The following DTNBP1 variants were observed in gnomAD, a reference collection of about 807,000 sequenced individuals.
DTNBP1 encodes dystrobrevin binding protein 1.
A neutral mutation model predicts 42.8 loss-of-function variants in DTNBP1; 35 were observed. That is an observed-to-expected ratio of 0.82 (90% CI 0.63 to 1.09). The LOEUF is 1.09. Ranked by LOEUF, DTNBP1 falls within the 50% of genes least tolerant of loss-of-function variation. The pLI is 0.00. For synonymous variants in DTNBP1, 171 were observed against 162.2 expected (o/e 1.05, Z -0.41); for missense variants, 457 against 424.2 (o/e 1.08, Z -0.68).
chr6:15,649,589 C>T (rs1760869310), intron 3 of DTNBP1, among the ~76,000 whole-genome samples: 1 of 152,066 alleles, frequency 6.6e-6, no homozygotes, highest in African/African-American at 2.4e-5. Flanking sequence ...GGATGCACAA[C>T]CATGTGAACG....
chr6:15,609,219 G>A (rs1481738602), intron 6 of DTNBP1, among the ~76,000 whole-genome samples: 8 of 150,122 alleles, frequency 5.3e-5, no homozygotes, highest in Admixed American at 5.3e-4. Context: ...GCTTCTAAAA[G>A]CTCTCTCTTG....
intron 2 of DTNBP1, 81 bp from the exon 3 acceptor site, chr6:15,651,444 A>T: frequency 1.3e-6 from 2 of 1,548,298 alleles, no homozygotes; most frequent in Non-Finnish European, 1.8e-6. Context: ...AAGAATTTTG[A>T]CATTGTCAAT....
At chr6:15,657,139 G>C (rs1761330870) in intron 1 of DTNBP1, among the ~76,000 whole-genome samples, 1 of 152,142 alleles carries the variant, frequency 6.6e-6, no homozygotes, top group South Asian at 2.1e-4. Flanking sequence ...AGGAAAGAAA[G>C]ATGAATTTAG....
intron 1 of DTNBP1, among the ~76,000 whole-genome samples, chr6:15,657,694 C>T (rs752833873): frequency 3.3e-5 from 5 of 152,216 alleles, no homozygotes; most frequent in Non-Finnish European, 5.9e-5. Context: ...GAGTAAGGAT[C>T]TTACTTGCTA....
At chr6:15,546,063 C>CTTTTTTTTTTTTTTTTTT in intron 7 of DTNBP1, 2 of 310,236 alleles carry the variant, frequency 6.4e-6, no homozygotes, top group African/African-American at 3.3e-5. Context: ...ACCTCCAGTT[C>CTTTTTTTTTTTTTTTTTT]TTTTTTTTTT....
chr6:15,626,407 ATTAC>A (rs1759349097), intron 5 of DTNBP1, among the ~76,000 whole-genome samples: 1 of 152,188 alleles, frequency 6.6e-6, no homozygotes, highest in Admixed American at 6.5e-5. Context: ...TGACTTGCCA[ATTAC>A]TTGCCTTGTA....
intron 1 of DTNBP1, among the ~76,000 whole-genome samples, chr6:15,653,806 C>T (rs936457097): frequency 1.8e-4 from 28 of 152,222 alleles, no homozygotes; most frequent in African/African-American, 6.5e-4. Context: ...CCTACAAAGT[C>T]TTTGTAAAAA....
Position 15,537,108 on chromosome 6 carries a change from A to G in DTNBP1, c.512-3713T>C, listed in dbSNP as rs192705102. Among the ~76,000 whole-genome samples the G allele has an allele frequency of 3.3e-5, 5 of 152,308 alleles. No homozygotes were observed. In the East Asian group the frequency reaches 9.7e-4, roughly 29 times the overall value. On this transcript the variant is annotated intron_variant, in intron 7 of 9. Transcript: ENST00000344537. The stretch of plus-strand genomic sequence containing the variant: ...AGGCTAGACATTTGCCTTGTGTCAC[A>G]TGAGACTTTGGACTTAAGACTTTTG...
intron 7 of DTNBP1, among the ~76,000 whole-genome samples, chr6:15,564,627 C>T (rs1362098885): frequency 1.3e-5 from 2 of 152,094 alleles, no homozygotes; most frequent in Non-Finnish European, 2.9e-5. Context: ...AGGCTGGTAT[C>T]GAACTCCTGA....
At chr6:15,568,200 C>G (rs1462799304) in intron 7 of DTNBP1, among the ~76,000 whole-genome samples, 1 of 152,180 alleles carries the variant, frequency 6.6e-6, no homozygotes, top group Non-Finnish European at 1.5e-5. Context: ...GTTCCTATCC[C>G]TGAAGAAAAG....
At chr6:15,584,705 CTT>C (rs147548247) in intron 7 of DTNBP1, among the ~76,000 whole-genome samples, 13,757 of 85,954 alleles carry the variant, frequency 0.16, 561 homozygotes, top group African/African-American at 0.28. Context: ...ACATGTATTT[CTT>C]TTTTTTTTTT....
At chr6:15,617,353 G>A (rs1230631944) in intron 5 of DTNBP1, among the ~76,000 whole-genome samples, 3 of 151,244 alleles carry the variant, frequency 2.0e-5, no homozygotes, top group Admixed American at 1.3e-4. Flanking sequence ...ATTCCTCACA[G>A]AAATAGAAAA....
At chr6:15,523,283 C>G in intron 9 of DTNBP1, 64 bp from the exon 10 acceptor site, 1 of 1,599,752 alleles carries the variant, frequency 6.3e-7, no homozygotes, top group Non-Finnish European at 8.5e-7. Flanking sequence ...GAATTGCCGC[C>G]AACAGCTGTG....
At chr6:15,563,835 G>A (rs946533547) in intron 7 of DTNBP1, among the ~76,000 whole-genome samples, 1 of 152,130 alleles carries the variant, frequency 6.6e-6, no homozygotes, top group South Asian at 2.1e-4. Flanking sequence ...AGGCTGGGCC[G>A]AGGTTCCCGC....
chr6:15,640,598 C>T lies in DTNBP1; in HGVS notation c.162-2794G>A, dbSNP rs1581425573. Among the ~76,000 whole-genome samples, 3 of 152,228 alleles carry T rather than the reference C, an allele frequency of 2.0e-5. No homozygotes were observed. The South Asian group carries it at 6.2e-4, about 32-fold the overall frequency. ...AAGGACTAATTATATAGCATTAGAG[C>T]TATAGGAATATAGGAAAGTAACTGT... On this transcript the variant is annotated intron_variant, in intron 3 of 9. Transcript: ENST00000344537.
intron 7 of DTNBP1, among the ~76,000 whole-genome samples, chr6:15,568,672 C>T (rs993427473): frequency 6.6e-6 from 1 of 152,142 alleles, no homozygotes; most frequent in Non-Finnish European, 1.5e-5. Flanking sequence ...TATGTGAAAA[C>T]AATGAGGACG....
intron 1 of DTNBP1, among the ~76,000 whole-genome samples, chr6:15,654,392 G>C (rs957545874): frequency 6.6e-6 from 1 of 152,134 alleles, no homozygotes; most frequent in Non-Finnish European, 1.5e-5. Context: ...ATACAGCAGT[G>C]CCTCATACTC....
rs554371822 is a variant in DTNBP1, at chr6:15,644,258, A to G, written c.162-6454T>C. Among the ~76,000 whole-genome samples the G allele has an allele frequency of 4.3e-4, 66 of 152,210 alleles. 1 individual carries two copies. In the South Asian group the frequency reaches 0.013, roughly 30 times the overall value. ...TAAGAAGATATCGTATCCTAAATAT[A>G]TATGTACCCAACATCACAAGACCCA... On this transcript the variant is annotated intron_variant, in intron 3 of 9. Coordinates refer to ENST00000344537, the MANE Select transcript of DTNBP1 (RefSeq NM_032122.5).
intron 8 of DTNBP1, among the ~76,000 whole-genome samples, chr6:15,524,982 A>C (rs1772271713): frequency 6.6e-6 from 1 of 152,236 alleles, no homozygotes; most frequent in Non-Finnish European, 1.5e-5. Flanking sequence ...TGTCTCAAAG[A>C]GGCCAACATT....
Sources: gnomAD v4.1 joint callset for allele counts (sites outside exome capture counted in the v4.1 genomes callset) on GRCh38, gnomAD v4.1.1 for gene constraint, MANE v1.5 for transcripts, NCBI Gene and HGNC (gene_info 2026-07-23, HGNC 2026-07-21) for gene names.